ANTXR1: variants seen among roughly 807,000 people sequenced by gnomAD.
ANTXR1 encodes the protein ANTXR cell adhesion molecule 1.
A neutral mutation model predicts 78.1 loss-of-function variants in ANTXR1; 19 were observed. That is an observed-to-expected ratio of 0.24 (90% CI 0.17 to 0.36). The LOEUF (loss-of-function observed/expected upper bound fraction) is 0.36, where lower values mean the gene tolerates loss of function less well. Ranked by LOEUF, ANTXR1 falls within the 10% of genes least tolerant of loss-of-function variation. The pLI is 1.00. For synonymous variants in ANTXR1, 273 were observed against 260.5 expected, an observed-to-expected ratio of 1.05 and a Z score of -0.46; for missense variants, 518 against 718.6, an observed-to-expected ratio of 0.72 and a Z score of 3.19.
At position 69,162,005 on chromosome 2, in the gene ANTXR1, G is replaced by T. The variant is rs76824549; in HGVS notation, c.1048-8243G>T. Among the ~76,000 whole-genome samples the T allele has an allele frequency of 1.8e-3, 262 of 145,938 alleles. 4 individuals carry two copies. In the East Asian group the frequency reaches 0.049, roughly 27 times the overall value. ...ATTTGAGCTAACCTCTGAGCGTGCA[G>T]GAAGTCATCATTTGTGGAAAAAAAA... On this transcript the variant is annotated intron_variant, in intron 13 of 17. Coordinates refer to ENST00000303714, the MANE Select transcript of ANTXR1 (RefSeq NM_032208.3).
chr2:69,145,625 C>G, intron 12 of ANTXR1: 2 of 1,255,822 alleles, frequency 1.6e-6, no homozygotes, highest in Non-Finnish European at 2.0e-6. Flanking sequence ...TCACTCCATG[C>G]GGTGGGCATC....
At chr2:69,056,908 A>G (rs1229102834) in intron 3 of ANTXR1, among the ~76,000 whole-genome samples, 2 of 152,086 alleles carry the variant, frequency 1.3e-5, no homozygotes, top group African/African-American at 4.8e-5. Context: ...CAAACTCCTG[A>G]CCTCAAGTGA....
At position 69,124,479 on chromosome 2, in the gene ANTXR1, C is replaced by G. The variant is rs1033671343; in HGVS notation, c.873-86C>G. 3 of 1,168,880 alleles carry G rather than the reference C, an allele frequency of 2.6e-6. No individual in the cohort carries two copies. The African/African-American group carries it at 4.5e-5, about 18-fold the overall frequency. 72.4% of individuals were successfully genotyped at this position (1,168,880 alleles called of 1,614,324 possible). On this transcript the variant is annotated intron_variant, in intron 11 of 17. Transcript: ENST00000303714. ...GTCTCAAGGGTATTTAAGAGCAGAG[C>G]CCAAAGGAGTCCTGTGTGTCTGGCT... is the stretch of plus-strand genomic sequence containing the variant.
intron 17 of ANTXR1, among the ~76,000 whole-genome samples, chr2:69,205,914 G>C (rs1218184653): frequency 6.6e-6 from 1 of 151,166 alleles, no homozygotes. Flanking sequence ...CTTTAAGTTT[G>C]TTTGAAAATA....
intron 14 of ANTXR1, among the ~76,000 whole-genome samples, chr2:69,181,509 G>A (rs145293848): frequency 3.9e-5 from 6 of 152,240 alleles, no homozygotes; most frequent in East Asian, 3.9e-4. Context: ...GGTTAGATGC[G>A]ATTCCCACAA....
At chr2:69,102,748 G>A in intron 9 of ANTXR1, 94 bp from the exon 10 acceptor site, 1 of 1,298,504 alleles carries the variant, frequency 7.7e-7, no homozygotes, top group South Asian at 1.2e-5. Flanking sequence ...TTTTAAGCCT[G>A]GTGAAATAGT....
In ANTXR1 at chr2:69,245,673, A is replaced by G; in HGVS notation, c.*188A>G. ...AAACAGATATTTTAAATTGCCAGAA[A>G]ACAAATGATGAGGCAACTACAGTCA... is the stretch of plus-strand genomic sequence containing the variant. On this transcript the variant is annotated 3_prime_UTR_variant, in exon 18 of 18. Coordinates refer to ENST00000303714, the MANE Select transcript of ANTXR1 (RefSeq NM_032208.3). The G allele has an allele frequency of 1.3e-6, 1 of 795,378 alleles. No individual in the cohort carries two copies. The allele number at this position is 795,378 out of a possible 1,614,324, so 49.3% of individuals were successfully genotyped here.
rs6761275 is a variant in ANTXR1 at position 69,119,306 on chromosome 2, C to A, written c.803-3711C>A. Among the ~76,000 whole-genome samples the A allele has an allele frequency of 2.0e-5, 3 of 152,148 alleles. No homozygotes were observed. The East Asian group carries it at 5.8e-4, about 30-fold the overall frequency. ...GCTCTCCTCGGCGTGACCCAGCTCT[C>A]CCCACAGAAGGCAGCCAGAGTCACA... On this transcript the variant is annotated intron_variant, in intron 10 of 17. Transcript: ENST00000303714.
At chr2:69,189,644 CA>C (rs1255748002) in intron 16 of ANTXR1, among the ~76,000 whole-genome samples, 3 of 152,098 alleles carry the variant, frequency 2.0e-5, no homozygotes, top group Non-Finnish European at 2.9e-5. Flanking sequence ...GGTGGTGGGT[CA>C]GGGGTGGATG....
At chr2:69,081,058 G>T (rs1403229053) in intron 8 of ANTXR1, among the ~76,000 whole-genome samples, 1 of 152,174 alleles carries the variant, frequency 6.6e-6, no homozygotes, top group Non-Finnish European at 1.5e-5. Context: ...CTTTGAAGAA[G>T]AAAACTCACT....
chr2:69,229,734 G>T (rs1051909575), intron 17 of ANTXR1, among the ~76,000 whole-genome samples: 12 of 139,334 alleles, frequency 8.6e-5, no homozygotes, highest in South Asian at 4.7e-4. Context: ...TGCCATGGTG[G>T]TTTTTTTTTT....
intron 3 of ANTXR1, among the ~76,000 whole-genome samples, chr2:69,060,001 T>C (rs1210534288): frequency 6.6e-6 from 1 of 152,242 alleles, no homozygotes; most frequent in African/African-American, 2.4e-5. Context: ...CAAATTCATC[T>C]TGTCCTGTGA....
chr2:69,068,810 C>T (rs1670481744), intron 3 of ANTXR1, among the ~76,000 whole-genome samples: 1 of 152,178 alleles, frequency 6.6e-6, no homozygotes, highest in Non-Finnish European at 1.5e-5. Flanking sequence ...GTGACTACCC[C>T]AGTGGCTAAG....
At position 69,077,476 on chromosome 2, in the gene ANTXR1, C is replaced by G; in HGVS notation, c.630C>G (p.Gly210=). 1 of 1,614,176 alleles carries G rather than the reference C, an allele frequency of 6.2e-7. No homozygotes were observed. Among genetic ancestry groups the G allele is most frequent in the Non-Finnish European group, 8.5e-7 (1 of 1,180,012 alleles). Residue 210 remains glycine, a synonymous_variant, in exon 8 of 18, where the codon GGC becomes GGG. Transcript: ENST00000303714. ...PVNDGFQALQ[G]IIHSILKKSC... ...ATGACGGCTTTCAGGCTCTGCAAGG[C>G]ATCATCCACTCAGTAAGTAGAGCTC...
At chr2:69,184,176 AAAG>A (rs1674363175) in intron 16 of ANTXR1, among the ~76,000 whole-genome samples, 1 of 152,204 alleles carries the variant, frequency 6.6e-6, no homozygotes, top group Non-Finnish European at 1.5e-5. Flanking sequence ...CAACAAATCA[AAAG>A]AAGTACCATT....
At chr2:69,072,788 T>A (rs562150351) in intron 5 of ANTXR1, among the ~76,000 whole-genome samples, 1,733 of 152,328 alleles carry the variant, frequency 0.011, 36 homozygotes, top group African/African-American at 0.037. Context: ...GTTTGGCCAT[T>A]TTTCAAGATG....
chr2:69,031,994 C>G (rs1240138208), intron 1 of ANTXR1, among the ~76,000 whole-genome samples: 1 of 151,508 alleles, frequency 6.6e-6, no homozygotes, highest in East Asian at 1.9e-4. Context: ...CAAAATATTA[C>G]CCCCATTATG....
intron 17 of ANTXR1, among the ~76,000 whole-genome samples, chr2:69,237,268 A>G (rs1381516374): frequency 1.3e-5 from 2 of 152,252 alleles, no homozygotes; most frequent in Non-Finnish European, 2.9e-5. Flanking sequence ...GAATCAATTA[A>G]AAGAGTTGAC....
chr2:69,031,586 C>T (rs1671531675), intron 1 of ANTXR1, among the ~76,000 whole-genome samples: 1 of 152,086 alleles, frequency 6.6e-6, no homozygotes, highest in Admixed American at 6.5e-5. Flanking sequence ...TAGCATCTGT[C>T]CCTCCCTCTC....
Sources: allele counts gnomAD v4.1 joint callset (sites outside exome capture counted in the v4.1 genomes callset), GRCh38; gene constraint gnomAD v4.1.1; transcripts MANE v1.5; gene names NCBI Gene and HGNC (gene_info 2026-07-23, HGNC 2026-07-21).